Variants in LMNTD1 observed in about 807,000 individuals in gnomAD.
LMNTD1 encodes lamin tail domain-containing protein 1.
In LMNTD1, 35 loss-of-function variants were observed where a neutral mutation model predicts 50.9. That is an observed-to-expected ratio of 0.69 (90% CI 0.53 to 0.91). The LOEUF (loss-of-function observed/expected upper bound fraction) is 0.91, where lower values mean the gene tolerates loss of function less well. Ranked by LOEUF, LMNTD1 falls within the 40% of genes least tolerant of loss-of-function variation. The pLI is 0.00. For missense variants in LMNTD1, 470 were observed against 475.5 expected (o/e 0.99, Z 0.11); for synonymous variants, 153 against 161.9 (o/e 0.94, Z 0.42).
chr12:25,519,635 C>T (rs1591884646), intron 7 of LMNTD1, among the ~76,000 whole-genome samples: 2 of 142,602 alleles, frequency 1.4e-5, no homozygotes, highest in South Asian at 4.8e-4. Context: ...GGTCTCAATA[C>T]TACCTAGTGA....
chr12:25,635,247 A>AC (rs1257715139), intron 1 of LMNTD1, among the ~76,000 whole-genome samples: 2 of 103,456 alleles, frequency 1.9e-5, no homozygotes, highest in South Asian at 6.1e-4. Context: ...TCTCAAAAAA[A>AC]AAAAGAAAAA....
chr12:25,619,450 A>C (rs772487520), intron 1 of LMNTD1, among the ~76,000 whole-genome samples: 1 of 152,206 alleles, frequency 6.6e-6, no homozygotes, highest in Non-Finnish European at 1.5e-5. Context: ...TGTTAAATGC[A>C]CCATAAACAA....
intron 9 of LMNTD1, among the ~76,000 whole-genome samples, chr12:25,490,120 C>A (rs1938835584): frequency 6.6e-6 from 1 of 152,208 alleles, no homozygotes; most frequent in African/African-American, 2.4e-5. Context: ...GTAATGTATT[C>A]TTCTGTAACA....
At chr12:25,534,902 G>C (rs527541918) in intron 4 of LMNTD1, among the ~76,000 whole-genome samples, 1 of 152,254 alleles carries the variant, frequency 6.6e-6, no homozygotes, top group East Asian at 1.9e-4. Context: ...AGTAACTTAA[G>C]TGGGTCCCAG....
At chr12:25,639,834 A>T (rs927226637) in intron 1 of LMNTD1, among the ~76,000 whole-genome samples, 1 of 152,260 alleles carries the variant, frequency 6.6e-6, no homozygotes, top group Non-Finnish European at 1.5e-5. Flanking sequence ...ACATATCCAC[A>T]CAAAAGCTAT....
rs190735972 is a variant in LMNTD1, at chr12:25,606,781, G to T, written c.58+41713C>A. 2.9e-3 allele frequency among the ~76,000 whole-genome samples: 435 copies of T among 152,278 alleles called. 7 individuals are homozygous for T. The East Asian group carries it at 0.041, about 15-fold the overall frequency. On this transcript the variant is annotated intron_variant, in intron 1 of 7. Coordinates refer to the LMNTD1 transcript ENST00000445693. ...GCATCAATGTTCATCAAGGGTATTG[G>T]TCTAAAATTCTCTTTTTTTGTTGTG...
intron 4 of LMNTD1, among the ~76,000 whole-genome samples, chr12:25,537,549 C>T (rs1942696819): frequency 5.3e-5 from 8 of 151,988 alleles, no homozygotes; most frequent in Admixed American, 5.2e-4. Context: ...ACAGTAAGGA[C>T]ATCCACACCA....
chr12:25,617,739 C>T (rs1041891525), intron 1 of LMNTD1, among the ~76,000 whole-genome samples: 1 of 152,166 alleles, frequency 6.6e-6, no homozygotes, highest in African/African-American at 2.4e-5. Context: ...AGACAAGAAA[C>T]TCTATCAATT....
intron 1 of LMNTD1, among the ~76,000 whole-genome samples, chr12:25,618,856 C>T (rs1313730984): frequency 6.6e-6 from 1 of 152,150 alleles, no homozygotes; most frequent in Non-Finnish European, 1.5e-5. Context: ...AGCTTCTTGC[C>T]TTATCCATGG....
rs367737998 is a variant in LMNTD1, at chr12:25,489,276, T to C, written c.*23-12816A>G. On this transcript the variant is annotated intron_variant, in intron 9 of 9. Coordinates refer to ENST00000458174, the MANE Select transcript of LMNTD1 (RefSeq NM_001145728.2). Reference sequence around the variant, plus strand: ...CTCAGACTGCTGTGCTAGCAATCAGTGAGATTCCGTGGGCGTAGGACCCTC... The same window carrying C: ...CTCAGACTGCTGTGCTAGCAATCAGCGAGATTCCGTGGGCGTAGGACCCTC... 2.0e-3 allele frequency among the ~76,000 whole-genome samples: 306 copies of C among 150,448 alleles called. 1 individual carries two copies. Among genetic ancestry groups the C allele is most frequent in the South Asian group, 8.6e-3 (40 of 4,662 alleles).
chr12:25,591,391 GGTGGT>G (rs1276223364), intron 1 of LMNTD1, among the ~76,000 whole-genome samples: 1 of 152,202 alleles, frequency 6.6e-6, no homozygotes, highest in Non-Finnish European at 1.5e-5. Context: ...GGCCTGTGGT[GGTGGT>G]GGCCACAGGG....
At chr12:25,591,165 C>A (rs897571197) in intron 1 of LMNTD1, among the ~76,000 whole-genome samples, 1 of 140,652 alleles carries the variant, frequency 7.1e-6, no homozygotes, top group South Asian at 2.3e-4. Context: ...CATTTCTGGA[C>A]CTGCCCTAGG....
chr12:25,558,653 A>G (rs577347563), intron 1 of LMNTD1, among the ~76,000 whole-genome samples: 1 of 152,356 alleles, frequency 6.6e-6, no homozygotes, highest in South Asian at 2.1e-4. Context: ...ACATTTCCAC[A>G]TGGCCGGGGA....
chr12:25,608,523 G>A (rs987338467), intron 1 of LMNTD1, among the ~76,000 whole-genome samples: 1 of 152,170 alleles, frequency 6.6e-6, no homozygotes, highest in Non-Finnish European at 1.5e-5. Context: ...TGTAAGGCAG[G>A]CCTGGTGGTG....
intron 1 of LMNTD1, among the ~76,000 whole-genome samples, chr12:25,637,703 A>C (rs534477621): frequency 1.1e-4 from 17 of 152,308 alleles, no homozygotes; most frequent in African/African-American, 4.1e-4. Context: ...CTTTACATTC[A>C]ATATATAAAG....
intron 8 of LMNTD1, among the ~76,000 whole-genome samples, chr12:25,512,090 A>T (rs1390654376): frequency 1.3e-5 from 2 of 152,256 alleles, no homozygotes; most frequent in African/African-American, 4.8e-5. Context: ...TTAGAAGGTC[A>T]TGGCAAGTAT....
intron 4 of LMNTD1, among the ~76,000 whole-genome samples, chr12:25,537,603 TAAAACCACAAAGATGGGGAAA>T (rs1942701298): frequency 6.6e-6 from 1 of 151,534 alleles, no homozygotes; most frequent in African/African-American, 2.4e-5. Flanking sequence ...CAAAAGTAGA[TAAAACCACAAAGATGGGGAAA>T]AAACAGAAGA....
chr12:25,588,241 C>G (rs1945600335), intron 1 of LMNTD1, among the ~76,000 whole-genome samples: 1 of 152,100 alleles, frequency 6.6e-6, no homozygotes, highest in Non-Finnish European at 1.5e-5. Context: ...ATCAAATCTC[C>G]TGACTCATCT....
In LMNTD1 at chr12:25,476,446, G is replaced by A. The variant is rs904388064; in HGVS notation, c.*37C>T. On this transcript the variant is annotated 3_prime_UTR_variant, in exon 10 of 10. Coordinates refer to ENST00000458174, the MANE Select transcript of LMNTD1 (RefSeq NM_001145728.2). ...TTTTGCTTTTCTAGTAGCTGGTTGA[G>A]GGTGGACTAGATTACTAGTAATTAT... The A allele has an allele frequency of 2.0e-5, 3 of 152,172 alleles. No individual in the cohort carries two copies. Among genetic ancestry groups the A allele is most frequent in the African/African-American group, 7.2e-5 (3 of 41,446 alleles). The allele number at this position is 152,172 out of a possible 1,614,324, so 9.4% of individuals were successfully genotyped here. A position where few individuals can be genotyped will look rare whatever the true frequency, so the allele number is the denominator to read the frequency against.
Sources: allele counts gnomAD v4.1 joint callset (sites outside exome capture counted in the v4.1 genomes callset), GRCh38; gene constraint gnomAD v4.1.1; transcripts MANE v1.5; gene names NCBI Gene and HGNC (gene_info 2026-07-23, HGNC 2026-07-21).